Variants in PLAGL1 observed in about 807,000 individuals in gnomAD.
PLAGL1 encodes zinc finger protein PLAGL1.
A neutral mutation model predicts 4.6 loss-of-function variants in PLAGL1; 1 was observed. That is an observed-to-expected ratio of 0.22 (90% CI 0.08 to 1.03). The LOEUF (loss-of-function observed/expected upper bound fraction) is 1.03, where lower values mean the gene tolerates loss of function less well. Among genes scored for constraint, PLAGL1 ranks in the 50% least tolerant of loss-of-function variants. The pLI is 0.58. For synonymous variants in PLAGL1, 240 were observed against 237.8 expected (o/e 1.01, Z -0.08); for missense variants, 464 against 570.4 (o/e 0.81, Z 1.90).
intron 1 of PLAGL1, among the ~76,000 whole-genome samples, chr6:144,062,708 T>A (rs762626987): frequency 1.4e-4 from 21 of 152,228 alleles, no homozygotes; most frequent in Non-Finnish European, 2.8e-4. Context: ...CACATTAGTC[T>A]CCCCAACTTA....
rs960062881 is a variant in PLAGL1, at chr6:143,958,998, T to C, written c.-325+1471A>G. Among the ~76,000 whole-genome samples the C allele has an allele frequency of 2.0e-5, 3 of 152,180 alleles. No individual in the cohort carries two copies. The highest frequency in any genetic ancestry group is 2.0e-4 in the Admixed American group (3 of 15,280). On this transcript the variant is annotated intron_variant, in intron 6 of 7. Coordinates refer to ENST00000674357, the MANE Select transcript of PLAGL1 (RefSeq NM_001317162.2). The surrounding 1 kb of genome is among the most constrained non-coding windows in gnomAD (Gnocchi z 5.1). The stretch of plus-strand genomic sequence containing the variant: ...CATACCCAGTTCAATGGGGGAGGAA[T>C]GTGAACTCTCTGAGTAGCTGTCCTT...
At chr6:144,038,297 T>C (rs996123493) in intron 1 of PLAGL1, among the ~76,000 whole-genome samples, 2 of 152,238 alleles carry the variant, frequency 1.3e-5, no homozygotes. Flanking sequence ...CTATCAAGAT[T>C]TTGGTTAATT....
At chr6:144,030,882 G>T (rs549465430) in intron 1 of PLAGL1, among the ~76,000 whole-genome samples, 1 of 152,198 alleles carries the variant, frequency 6.6e-6, no homozygotes, top group Admixed American at 6.5e-5. Context: ...TCAAATGGTA[G>T]ATCTACTTTT....
At position 143,949,369 on chromosome 6, in the gene PLAGL1, A is replaced by G. The variant is rs1780519468; in HGVS notation, c.-324-909T>C. Among the ~76,000 whole-genome samples the G allele has an allele frequency of 6.6e-6, 1 of 152,184 alleles. No homozygotes were observed. Among genetic ancestry groups the G allele is most frequent in the African/African-American group, 2.4e-5 (1 of 41,436 alleles). ...TCATTGGAGGAACCTGAAGTGTCTGAGCCTGCATCATGAACAATACTCCAC... is the reference window on the plus strand; with the variant it reads ...TCATTGGAGGAACCTGAAGTGTCTGGGCCTGCATCATGAACAATACTCCAC... On this transcript the variant is annotated intron_variant, in intron 6 of 7. Coordinates refer to ENST00000674357, the MANE Select transcript of PLAGL1 (RefSeq NM_001317162.2). This position sits in a 1 kb window ranked among gnomAD's most constrained non-coding sequence, Gnocchi z 5.3.
At chr6:143,996,467 T>C (rs1791632761) in intron 1 of PLAGL1, among the ~76,000 whole-genome samples, 1 of 152,220 alleles carries the variant, frequency 6.6e-6, no homozygotes, top group Admixed American at 6.5e-5. Context: ...GAATTTTAAA[T>C]GGGCACATGA....
At chr6:144,011,589 T>C (rs532060008), upstream of PLAGL1, among the ~76,000 whole-genome samples, 92 of 152,332 alleles carry the variant, frequency 6.0e-4, no homozygotes, top group Non-Finnish European at 1.1e-3. This position sits in a 1 kb window ranked among gnomAD's most constrained non-coding sequence, Gnocchi z 4.3. Context: ...TTATGTTCTT[T>C]TCTAATGTCC....
Position 143,950,023 on chromosome 6 carries a change from A to AGT in PLAGL1, c.-324-1565_-324-1564dup, listed in dbSNP as rs1372494902. On this transcript the variant is annotated intron_variant, in intron 6 of 7. Transcript: ENST00000674357. The surrounding 1 kb of genome is among the most constrained non-coding windows in gnomAD (Gnocchi z 6.3). The stretch of plus-strand genomic sequence containing the variant: ...AGCAAAAATTCCAGGAAACTTGTAG[A>AGT]GTTCCTCATCTTCTGTTGTAGATGT... Among the ~76,000 whole-genome samples, 1 of 152,212 alleles carries AGT rather than the reference A, an allele frequency of 6.6e-6. No individual in the cohort carries two copies. Among genetic ancestry groups the AGT allele is most frequent in the Non-Finnish European group, 1.5e-5 (1 of 68,028 alleles).
intron 1 of PLAGL1, among the ~76,000 whole-genome samples, chr6:144,042,534 T>C (rs1445641385): frequency 6.6e-6 from 1 of 152,224 alleles, no homozygotes; most frequent in Non-Finnish European, 1.5e-5. Flanking sequence ...CTGGTTTATA[T>C]ATCTGTTTTG....
rs1409451592 is a variant in PLAGL1, at chr6:144,056,276, C to T, written c.-151+8192G>A. ...ACACACGCACAGCCTCCCCTATTAC[C>T]GGCATCCCCACCAGGATGGCGCATT... On this transcript the variant is annotated intron_variant, in intron 1 of 3. Coordinates refer to the PLAGL1 transcript ENST00000437412. The surrounding 1 kb of genome is among the most constrained non-coding windows in gnomAD (Gnocchi z 4.7). Among the ~76,000 whole-genome samples the T allele has an allele frequency of 1.3e-5, 2 of 152,162 alleles. No homozygotes were observed. The highest frequency in any genetic ancestry group is 1.5e-5 in the Non-Finnish European group (1 of 68,024).
chr6:143,977,876 T>C (rs903057254), intron 2 of PLAGL1, among the ~76,000 whole-genome samples: 5 of 152,166 alleles, frequency 3.3e-5, no homozygotes, highest in Non-Finnish European at 7.3e-5. Flanking sequence ...AGTACAACCA[T>C]CTGGGTCTGC....
Position 143,942,731 on chromosome 6 carries a change from A to G in PLAGL1, c.153-68T>C. The G allele has an allele frequency of 8.9e-7, 1 of 1,129,020 alleles. No homozygotes were observed. Among genetic ancestry groups the G allele is most frequent in the Non-Finnish European group, 1.3e-6 (1 of 789,404 alleles). 69.9% of individuals were successfully genotyped at this position (1,129,020 alleles called of 1,614,324 possible). On this transcript the variant is annotated intron_variant, in intron 7 of 7. Transcript: ENST00000674357. This position sits in a 1 kb window ranked among gnomAD's most constrained non-coding sequence, Gnocchi z 7.6. ...AGAGCTGAAGAAAGGTGTAGCAACAATATTATATCAAAATGTTAATAGTTT... is the reference window on the plus strand; with the variant it reads ...AGAGCTGAAGAAAGGTGTAGCAACAGTATTATATCAAAATGTTAATAGTTT...
rs115077225 is a variant in PLAGL1, at chr6:143,975,418, A to G, written c.-543-6440T>C. On this transcript the variant is annotated intron_variant, in intron 2 of 7. Transcript: ENST00000674357. The surrounding 1 kb of genome is among the most constrained non-coding windows in gnomAD (Gnocchi z 5.8). ...ACCTTAGTTTCCCTATTTGTAAAAG[A>G]GGAATAATAACCTCACAGGGTTTGT... is the stretch of plus-strand genomic sequence containing the variant. 3.9e-3 allele frequency among the ~76,000 whole-genome samples: 598 copies of G among 152,318 alleles called. 5 individuals are homozygous for G. Among genetic ancestry groups the G allele is most frequent in the African/African-American group, 0.014 (578 of 41,568 alleles).
intron 1 of PLAGL1, among the ~76,000 whole-genome samples, chr6:143,992,030 G>A (rs1401355582): frequency 1.3e-5 from 2 of 152,212 alleles, no homozygotes; most frequent in African/African-American, 4.8e-5. Flanking sequence ...GAAATATGAG[G>A]TAAAGTGGTC....
In PLAGL1 at chr6:144,039,651, A is replaced by C. The variant is rs2128715556; in HGVS notation, c.-151+24817T>G. On this transcript the variant is annotated intron_variant, in intron 1 of 3. Coordinates refer to the PLAGL1 transcript ENST00000437412. This position sits in a 1 kb window ranked among gnomAD's most constrained non-coding sequence, Gnocchi z 4.1. The stretch of plus-strand genomic sequence containing the variant: ...CCCAAAAATGAAAAGGTTGACAAGG[A>C]GAGATTTACACTTCTGATAGGGGTA... 6.6e-6 allele frequency among the ~76,000 whole-genome samples: 1 copy of C among 152,270 alleles called. No homozygotes were observed. Among genetic ancestry groups the C allele is most frequent in the South Asian group, 2.1e-4 (1 of 4,826 alleles).
At chr6:144,047,866 A>C (rs1035924779) in intron 1 of PLAGL1, among the ~76,000 whole-genome samples, 6 of 152,082 alleles carry the variant, frequency 3.9e-5, no homozygotes, top group Non-Finnish European at 8.8e-5. Context: ...TCATTTCAGC[A>C]TTAACTCAAA....
rs1324118746 is a variant in PLAGL1, at chr6:144,004,997, TTATA to T, written c.-584+3089_-584+3092del. 1 of 149,588 alleles carries T rather than the reference TTATA, an allele frequency of 6.7e-6. No homozygotes were observed. The highest frequency in any genetic ancestry group is 6.7e-5 in the Admixed American group (1 of 14,926). 9.3% of individuals were successfully genotyped at this position (149,588 alleles called of 1,614,324 possible). A position where few individuals can be genotyped will look rare whatever the true frequency, so the allele number is the denominator to read the frequency against. ...TTTTTATATAAACTCTACAGAGAGA[TTATA>T]TATAATCTATATATAAAGTGTATGT... On this transcript the variant is annotated intron_variant, in intron 1 of 7. Coordinates refer to ENST00000674357, the MANE Select transcript of PLAGL1 (RefSeq NM_001317162.2). The surrounding 1 kb of genome is among the most constrained non-coding windows in gnomAD (Gnocchi z 4.2).
At chr6:144,057,807 G>C (rs1200735780) in intron 1 of PLAGL1, among the ~76,000 whole-genome samples, 1 of 138,404 alleles carries the variant, frequency 7.2e-6, no homozygotes, top group Non-Finnish European at 1.5e-5. Context: ...ACCTCTACAT[G>C]CTTCCTCTCT....
At chr6:144,043,212 T>TGG (rs1284156410) in intron 1 of PLAGL1, among the ~76,000 whole-genome samples, 1 of 152,238 alleles carries the variant, frequency 6.6e-6, no homozygotes, top group Non-Finnish European at 1.5e-5. Context: ...CAACACTATG[T>TGG]TGAATTGAAG....
rs964545667 is a variant in PLAGL1, at chr6:143,959,295, C to G, written c.-325+1174G>C. Among the ~76,000 whole-genome samples, 2 of 152,258 alleles carry G rather than the reference C, an allele frequency of 1.3e-5. No homozygotes were observed. The highest frequency in any genetic ancestry group is 6.5e-5 in the Admixed American group (1 of 15,298). On this transcript the variant is annotated intron_variant, in intron 6 of 7. Transcript: ENST00000674357. This position sits in a 1 kb window ranked among gnomAD's most constrained non-coding sequence, Gnocchi z 5.3. ...ACAAGGCCTGCTGTGTTAGCCACACCCCACCTGTTCGCAGCCCATGGACTC... is the reference window on the plus strand; with the variant it reads ...ACAAGGCCTGCTGTGTTAGCCACACGCCACCTGTTCGCAGCCCATGGACTC...
Sources: allele counts gnomAD v4.1 joint callset (sites outside exome capture counted in the v4.1 genomes callset), GRCh38; gene constraint gnomAD v4.1.1; non-coding constraint Gnocchi (gnomAD v3.1); transcripts MANE v1.5; gene names NCBI Gene and HGNC (gene_info 2026-07-23, HGNC 2026-07-21).